Variants in CYP4F22 observed in about 807,000 individuals in gnomAD.
The protein encoded by CYP4F22 is ultra-long-chain fatty acid omega-hydroxylase.
Under a neutral mutation model 60.4 loss-of-function variants are expected in CYP4F22, and 37 were observed. The observed-to-expected ratio is 0.61, with a 90% CI of 0.47 to 0.81. CYP4F22 has a LOEUF of 0.81. CYP4F22 is among the 30% of genes least tolerant of loss of function. CYP4F22 has a pLI of 0.00. For missense variants in CYP4F22, 655 were observed against 715.0 expected (o/e 0.92, Z 0.96); for synonymous variants, 258 against 280.5 (o/e 0.92, Z 0.80).
intron 1 of CYP4F22, among the ~76,000 whole-genome samples, chr19:15,520,981 A>G (rs946728496): frequency 2.0e-5 from 3 of 151,278 alleles, no homozygotes; most frequent in Admixed American, 6.6e-5. Context: ...GTTAACCAGC[A>G]TGGTTTCGAT....
chr19:15,514,416 G>A (rs377753474), intron 1 of CYP4F22, among the ~76,000 whole-genome samples: 40 of 152,310 alleles, frequency 2.6e-4, no homozygotes, highest in African/African-American at 9.4e-4. Flanking sequence ...CGTCGGGCAC[G>A]GTGGCTCATG....
intron 1 of CYP4F22, chr19:15,515,352 A>T: frequency 8.3e-7 from 1 of 1,205,842 alleles, no homozygotes; most frequent in Non-Finnish European, 1.2e-6. Context: ...AGCACCTCCC[A>T]CACACAGACA....
chr19:15,550,905 GC>G, intron 13 of CYP4F22, 149 bp downstream of exon 13: 1 of 946,270 alleles, frequency 1.1e-6, no homozygotes, highest in Non-Finnish European at 1.7e-6. Flanking sequence ...GCGCCAGGAG[GC>G]CCCCAAATCA....
At chr19:15,517,821 C>T (rs1451575677) in intron 1 of CYP4F22, among the ~76,000 whole-genome samples, 2 of 151,974 alleles carry the variant, frequency 1.3e-5, no homozygotes, top group Admixed American at 6.6e-5. Flanking sequence ...CAGGGCAGAG[C>T]TGGGGTTGGA....
chr19:15,541,119 A>C (rs1971457538), intron 8 of CYP4F22, among the ~76,000 whole-genome samples: 2 of 152,236 alleles, frequency 1.3e-5, no homozygotes, highest in South Asian at 4.1e-4. Flanking sequence ...CAAAACAAAA[A>C]GAAATTCACA....
chr19:15,539,369 T>C (rs1458234555), intron 7 of CYP4F22, among the ~76,000 whole-genome samples: 2 of 152,248 alleles, frequency 1.3e-5, no homozygotes, highest in Non-Finnish European at 2.9e-5. Flanking sequence ...GTATCAGTTA[T>C]GTATTTCTTT....
intron 1 of CYP4F22, among the ~76,000 whole-genome samples, chr19:15,512,031 C>T (rs983667594): frequency 2.0e-5 from 3 of 151,832 alleles, no homozygotes; most frequent in Admixed American, 1.3e-4. Context: ...CAGCCGCCCA[C>T]AACATTCTGA....
rs915376136 is a variant in CYP4F22 at position 15,525,439 on chromosome 19, C to T, written c.103C>T (p.Leu35=). 4.3e-6 allele frequency: 7 copies of T among 1,614,086 alleles called. No individual in the cohort carries two copies. Among genetic ancestry groups the T allele is most frequent in the South Asian group, 2.2e-5 (2 of 91,090 alleles). ...CCTTCTCCTCTTCCTGCTCTTCTTC[C>T]TGTTCCGCCTGCTGCTGCGGTTCCT... ...STLLLFLLFF[L]FRLLLRFLRL... is the part of the protein sequence containing the mutation. Residue 35 remains leucine (L), a synonymous_variant, in exon 3 of 14, where the codon CTG becomes TTG. Transcript: ENST00000269703.
At chr19:15,513,285 C>A (rs1382199718) in intron 1 of CYP4F22, among the ~76,000 whole-genome samples, 1 of 149,400 alleles carries the variant, frequency 6.7e-6, no homozygotes, top group Non-Finnish European at 1.5e-5. Flanking sequence ...AAGCGATTCT[C>A]CTGCCTCAGC....
chr19:15,531,940 AC>A, intron 4 of CYP4F22, among the ~76,000 whole-genome samples: 1 of 152,168 alleles, frequency 6.6e-6, no homozygotes, highest in Non-Finnish European at 1.5e-5. Context: ...CTCTATCTTT[AC>A]AAAAAATTTA....
intron 12 of CYP4F22, among the ~76,000 whole-genome samples, chr19:15,549,760 T>C (rs1971573157): frequency 6.6e-6 from 1 of 150,870 alleles, no homozygotes. Flanking sequence ...AGGCCAGAAG[T>C]TCCAGCTCAG....
intron 1 of CYP4F22, among the ~76,000 whole-genome samples, chr19:15,511,097 G>T (rs977038150): frequency 6.7e-6 from 1 of 149,738 alleles, no homozygotes; most frequent in Non-Finnish European, 1.5e-5. Flanking sequence ...CTCCTGAGTA[G>T]CTGAGACTAC....
intron 1 of CYP4F22, among the ~76,000 whole-genome samples, chr19:15,510,968 T>TATA (rs1568351389): frequency 0.01 from 726 of 69,408 alleles, 5 homozygotes; most frequent in African/African-American, 0.021. Context: ...ATATATATAT[T>TATA]TTTTTTTTTT....
At chr19:15,538,579 A>G (rs1971425856) in intron 7 of CYP4F22, among the ~76,000 whole-genome samples, 1 of 152,214 alleles carries the variant, frequency 6.6e-6, no homozygotes, top group Non-Finnish European at 1.5e-5. Context: ...GGTGGTGAAC[A>G]ACAGACAGTC....
At chr19:15,513,331 A>T (rs543659318) in intron 1 of CYP4F22, among the ~76,000 whole-genome samples, 108 of 134,894 alleles carry the variant, frequency 8.0e-4, no homozygotes, top group African/African-American at 2.8e-3. Flanking sequence ...GAATGCTGCC[A>T]CGCCCTGCTA....
Position 15,552,285 on chromosome 19 carries a change from ATCC to A in CYP4F22, c.*816_*818del, listed in dbSNP as rs1450049337. ...GGGCTAGGAGGCTGGAAAGCCATTTATCCTAGGACATAAACTCAGATTTTGGGG... is the reference window on the plus strand; with the variant it reads ...GGGCTAGGAGGCTGGAAAGCCATTTATAGGACATAAACTCAGATTTTGGGG... On this transcript the variant is annotated 3_prime_UTR_variant, in exon 14 of 14. Transcript: ENST00000269703. 4 of 152,192 alleles carry A rather than the reference ATCC, an allele frequency of 2.6e-5. No individual in the cohort carries two copies. Among genetic ancestry groups the A allele is most frequent in the Admixed American group, 2.6e-4 (4 of 15,282 alleles). 9.4% of individuals were successfully genotyped at this position (152,192 alleles called of 1,614,324 possible). A position where few individuals can be genotyped will look rare whatever the true frequency, so the allele number is the denominator to read the frequency against.
intron 1 of CYP4F22, among the ~76,000 whole-genome samples, chr19:15,521,679 T>A (rs1018668960): frequency 3.3e-5 from 5 of 151,932 alleles, no homozygotes; most frequent in Admixed American, 2.0e-4. Context: ...TTAATTTTAA[T>A]TTTTTTTAAG....
At chr19:15,545,518 G>C (rs558869588) in intron 10 of CYP4F22, among the ~76,000 whole-genome samples, 1 of 151,382 alleles carries the variant, frequency 6.6e-6, no homozygotes, top group Non-Finnish European at 1.5e-5. Context: ...GTGGGGTGGC[G>C]CATGCCTATA....
intron 8 of CYP4F22, among the ~76,000 whole-genome samples, chr19:15,543,219 A>T (rs1971483580): frequency 6.6e-6 from 1 of 151,980 alleles, no homozygotes; most frequent in African/African-American, 2.4e-5. Context: ...AGCATCTCTC[A>T]CTCAGGGTCT....
Sources: gnomAD v4.1 joint callset for allele counts (sites outside exome capture counted in the v4.1 genomes callset) on GRCh38, gnomAD v4.1.1 for gene constraint, MANE v1.5 for transcripts, NCBI Gene and HGNC (gene_info 2026-07-23, HGNC 2026-07-21) for gene names.